DNAJC6: variants seen among roughly 807,000 people sequenced by gnomAD.
The protein encoded by DNAJC6 is auxilin.
A neutral mutation model predicts 110.0 loss-of-function variants in DNAJC6; 34 were observed. That is an observed-to-expected ratio of 0.31 (90% CI 0.24 to 0.41). The LOEUF (loss-of-function observed/expected upper bound fraction) is 0.41, where lower values mean the gene tolerates loss of function less well. DNAJC6 is among the 10% of genes least tolerant of loss of function. DNAJC6 has a pLI of 1.00. For missense variants in DNAJC6, 1,031 were observed against 1,207.8 expected (o/e 0.85, Z 2.17); for synonymous variants, 406 against 437.2 (o/e 0.93, Z 0.89).
intron 1 of DNAJC6, among the ~76,000 whole-genome samples, chr1:65,325,166 G>A (rs1645231253): frequency 6.6e-6 from 1 of 152,206 alleles, no homozygotes; most frequent in African/African-American, 2.4e-5. Context: ...CGAGGTCCTA[G>A]AAGTTTGGGT....
intron 1 of DNAJC6, among the ~76,000 whole-genome samples, chr1:65,347,597 T>C (rs1208023908): frequency 2.0e-5 from 3 of 152,098 alleles, no homozygotes; most frequent in African/African-American, 7.2e-5. Context: ...TAACAAAATA[T>C]AGGTAATGTT....
intron 1 of DNAJC6, among the ~76,000 whole-genome samples, chr1:65,360,887 C>A (rs563895010): frequency 6.6e-6 from 1 of 152,086 alleles, no homozygotes; most frequent in Non-Finnish European, 1.5e-5. Flanking sequence ...GGGATATCTG[C>A]CGCTGAGAGC....
At chr1:65,351,859 G>A (rs938348668) in intron 1 of DNAJC6, among the ~76,000 whole-genome samples, 3 of 152,092 alleles carry the variant, frequency 2.0e-5, no homozygotes, top group African/African-American at 7.2e-5. Flanking sequence ...TCTGCCTTCA[G>A]GTTCAAGCAA....
intron 1 of DNAJC6, among the ~76,000 whole-genome samples, chr1:65,274,327 AT>A (rs1326501515): frequency 6.6e-6 from 1 of 151,530 alleles, no homozygotes; most frequent in African/African-American, 2.4e-5. Flanking sequence ...ATTATTATAT[AT>A]TTTTTTGAGA....
chr1:65,400,612 G>T (rs1473901208), intron 14 of DNAJC6, among the ~76,000 whole-genome samples: 2 of 152,104 alleles, frequency 1.3e-5, no homozygotes, highest in African/African-American at 4.8e-5. Flanking sequence ...CTTATTTCAC[G>T]TAACATAATG....
intron 4 of DNAJC6, 118 bp downstream of exon 4, chr1:65,366,314 G>A (rs1471266496): frequency 4.6e-6 from 5 of 1,083,880 alleles, no homozygotes; most frequent in Non-Finnish European, 6.7e-6. Flanking sequence ...TATACACTCT[G>A]GACACTTCTG....
At chr1:65,282,445 T>C (rs1653883494) in intron 1 of DNAJC6, among the ~76,000 whole-genome samples, 1 of 152,194 alleles carries the variant, frequency 6.6e-6, no homozygotes, top group African/African-American at 2.4e-5. Flanking sequence ...GCTAAGAGAC[T>C]GATATACTGA....
intron 4 of DNAJC6, among the ~76,000 whole-genome samples, chr1:65,369,164 C>T (rs1645681822): frequency 6.6e-6 from 1 of 152,148 alleles, no homozygotes; most frequent in Non-Finnish European, 1.5e-5. Context: ...CAGGATTGCA[C>T]TACATCTTTA....
intron 17 of DNAJC6, 21 bp downstream of exon 17, chr1:65,408,804 A>T: frequency 6.2e-7 from 1 of 1,609,888 alleles, no homozygotes; most frequent in South Asian, 1.1e-5. Context: ...CCCCTGACGC[A>T]GCTTGATTAT....
chr1:65,362,948 A>G (rs1421632509), intron 1 of DNAJC6, among the ~76,000 whole-genome samples: 2 of 152,206 alleles, frequency 1.3e-5, no homozygotes, highest in Non-Finnish European at 2.9e-5. Context: ...CCTGAGACTC[A>G]GCAATTTATA....
intron 1 of DNAJC6, among the ~76,000 whole-genome samples, chr1:65,286,518 A>T (rs1013658537): frequency 6.6e-6 from 1 of 152,100 alleles, no homozygotes; most frequent in African/African-American, 2.4e-5. Flanking sequence ...AAGTGTTGGA[A>T]CTACAGGTAT....
intron 1 of DNAJC6, among the ~76,000 whole-genome samples, chr1:65,284,114 G>C (rs1653937118): frequency 1.3e-5 from 2 of 152,128 alleles, no homozygotes; most frequent in Non-Finnish European, 1.5e-5. Context: ...AGTCACAAAA[G>C]TGCTCTCCAC....
At chr1:65,300,064 G>GA (rs1189398296) in intron 1 of DNAJC6, among the ~76,000 whole-genome samples, 1 of 133,366 alleles carries the variant, frequency 7.5e-6, no homozygotes, top group Admixed American at 7.6e-5. Context: ...AAAAAAAAAA[G>GA]AAAAAAAGTC....
intron 1 of DNAJC6, among the ~76,000 whole-genome samples, chr1:65,283,731 C>G (rs914259163): frequency 6.6e-6 from 1 of 152,166 alleles, no homozygotes; most frequent in Non-Finnish European, 1.5e-5. Flanking sequence ...CACTGCCAAA[C>G]TATTTTCCAG....
intron 4 of DNAJC6, among the ~76,000 whole-genome samples, chr1:65,367,738 G>A (rs986704946): frequency 2.0e-5 from 3 of 152,148 alleles, no homozygotes; most frequent in African/African-American, 7.2e-5. Flanking sequence ...CTATAAAGAT[G>A]TTTTTAATGA....
At chr1:65,405,727 A>G in intron 15 of DNAJC6, 143 bp from the exon 16 acceptor site, 2 of 953,630 alleles carry the variant, frequency 2.1e-6, no homozygotes, top group Non-Finnish European at 3.0e-6. Flanking sequence ...TATGCCTGCA[A>G]TTGCTTTATC....
At chr1:65,281,127 A>G (rs907517627) in intron 1 of DNAJC6, among the ~76,000 whole-genome samples, 6 of 152,024 alleles carry the variant, frequency 3.9e-5, no homozygotes, top group African/African-American at 1.4e-4. Context: ...GGCTTTCACC[A>G]TGTTGGCCAG....
intron 1 of DNAJC6, among the ~76,000 whole-genome samples, chr1:65,267,044 A>T (rs964219931): frequency 1.4e-4 from 21 of 151,978 alleles, no homozygotes; most frequent in Admixed American, 1.3e-3. Context: ...TTACAGGCCC[A>T]TGCCACCACG....
intron 2 of DNAJC6, among the ~76,000 whole-genome samples, chr1:65,365,063 T>A (rs974123510): frequency 4.6e-5 from 7 of 152,192 alleles, no homozygotes; most frequent in Non-Finnish European, 1.0e-4. Context: ...ATATCTGCCC[T>A]TGTTAACTAA....
Sources: gnomAD v4.1 joint callset for allele counts (sites outside exome capture counted in the v4.1 genomes callset) on GRCh38, gnomAD v4.1.1 for gene constraint, MANE v1.5 for transcripts, NCBI Gene and HGNC (gene_info 2026-07-23, HGNC 2026-07-21) for gene names.